The following NPC1 variants were observed in gnomAD, a reference collection of about 807,000 sequenced individuals.
The protein encoded by NPC1 is NPC intracellular cholesterol transporter 1.
In NPC1, 85 loss-of-function variants were observed where a neutral mutation model predicts 140.4. The ratio of observed to expected loss-of-function variants is 0.61; its 90% CI spans 0.51 to 0.72. The LOEUF (loss-of-function observed/expected upper bound fraction) is 0.72, where lower values mean the gene tolerates loss of function less well. Among genes scored for constraint, NPC1 ranks in the 30% least tolerant of loss-of-function variants. The pLI is 0.00. For missense variants in NPC1, 1,504 were observed against 1,623.8 expected (o/e 0.93, Z 1.27); for synonymous variants, 656 against 624.8 (o/e 1.05, Z -0.74).
At chr18:23,561,672 C>A in intron 4 of NPC1, 145 bp from the exon 5 acceptor site, 1 of 773,618 alleles carries the variant, frequency 1.3e-6, no homozygotes, top group Admixed American at 2.2e-5. Context: ...TAACTAAGGG[C>A]ACGAACAGAG....
rs572944990 is a variant in NPC1 at position 23,538,925 on chromosome 18, T to C, written c.2912-254A>G. 383 of 516,694 alleles carry C rather than the reference T, an allele frequency of 7.4e-4. 3 individuals carry two copies. In the South Asian group the frequency reaches 7.5e-3, roughly 10 times the overall value. 32.0% of individuals were successfully genotyped at this position (516,694 alleles called of 1,614,324 possible). The stretch of plus-strand genomic sequence containing the variant: ...TCTGCCCTGAAGTAGATCTCCTCCT[T>C]CAAGTATGGCCTTGACTGGTCAGAG... On this transcript the variant is annotated intron_variant, in intron 19 of 24. Transcript: ENST00000269228.
chr18:23,544,946 C>G lies in NPC1; in HGVS notation c.1947+14G>C, dbSNP rs3745024. The stretch of plus-strand genomic sequence containing the variant: ...GTTAACCTCTAGAACATACACCACC[C>G]CCCCCCGGCTTACCAGAAGCCTGCG... On this transcript the variant is annotated intron_variant, in intron 12 of 24. Transcript: ENST00000269228. 13 of 1,329,792 alleles carry G rather than the reference C, an allele frequency of 9.8e-6. 1 individual carries two copies. The highest frequency in any genetic ancestry group is 6.0e-5 in the South Asian group (5 of 83,324). The allele number at this position is 1,329,792 out of a possible 1,614,324, so 82.4% of individuals were successfully genotyped here. A position where few individuals can be genotyped will look rare whatever the true frequency, so the allele number is the denominator to read the frequency against.
At chr18:23,542,409 T>C (rs2058725689) in intron 14 of NPC1, among the ~76,000 whole-genome samples, 1 of 152,166 alleles carries the variant, frequency 6.6e-6, no homozygotes, top group Non-Finnish European at 1.5e-5. Context: ...ACAATGGCCC[T>C]GATTAAGCTG....
At chr18:23,518,553 A>G (rs1359331259), downstream of NPC1, among the ~76,000 whole-genome samples, 1 of 152,240 alleles carries the variant, frequency 6.6e-6, no homozygotes, top group Non-Finnish European at 1.5e-5. Context: ...ATATACATTC[A>G]TTATACAAAA....
At chr18:23,535,418 C>T (rs1321914612) in intron 22 of NPC1, 51 bp downstream of exon 22, 1 of 1,310,050 alleles carries the variant, frequency 7.6e-7, no homozygotes, top group South Asian at 1.2e-5. Flanking sequence ...CAGCCAATTC[C>T]CCCAAGTGAA....
At chr18:23,559,024 C>T (rs1478497386) in intron 6 of NPC1, among the ~76,000 whole-genome samples, 2 of 152,190 alleles carry the variant, frequency 1.3e-5, no homozygotes, top group East Asian at 1.9e-4. Flanking sequence ...TTTCCAGTTT[C>T]ATCCAAGTCC....
intron 11 of NPC1, 32 bp downstream of exon 11, chr18:23,547,974 G>T: frequency 1.6e-6 from 2 of 1,236,868 alleles, no homozygotes; most frequent in Non-Finnish European, 2.4e-6. Flanking sequence ...CACAATGCAA[G>T]GACAGTCTGC....
At chr18:23,577,158 T>C (rs1464257789) in intron 1 of NPC1, among the ~76,000 whole-genome samples, 1 of 151,216 alleles carries the variant, frequency 6.6e-6, no homozygotes, top group Admixed American at 6.6e-5. Flanking sequence ...CCAGAGCAGC[T>C]AGATACAGAG....
chr18:23,542,264 T>C (rs2058723477), intron 14 of NPC1, among the ~76,000 whole-genome samples: 1 of 151,788 alleles, frequency 6.6e-6, no homozygotes, highest in South Asian at 2.1e-4. Context: ...TTCTTTTTTT[T>C]TTTTTTTTCT....
chr18:23,578,437 G>A (rs1270618592), intron 1 of NPC1, among the ~76,000 whole-genome samples: 2 of 152,204 alleles, frequency 1.3e-5, no homozygotes, highest in East Asian at 3.9e-4. Context: ...GTGTGCAAGA[G>A]CACGAGCACC....
At chr18:23,514,078 A>G (rs748148554) in intron 3 of NPC1, among the ~76,000 whole-genome samples, 15 of 152,200 alleles carry the variant, frequency 9.9e-5, no homozygotes, top group Non-Finnish European at 2.1e-4. Context: ...TCTAAGGGGA[A>G]CTAATTTAGA....
rs1294804263 is a variant in NPC1 at position 23,556,263 on chromosome 18, C to T, written c.1306G>A (p.Asp436Asn). The change falls in exon 8 of 25, where the codon GAC becomes AAC. Residue 436 changes from aspartate to asparagine, a missense_variant. By Grantham distance (23) the Asp-to-Asn change is conservative. Transcript: ENST00000269228. Reference sequence around the variant, plus strand: ...GTTACCTGGTGCAGTATCTGTATGTCAAGCGGAGGTCCAAAGGGTACATCA... The same window carrying T: ...GTTACCTGGTGCAGTATCTGTATGTTAAGCGGAGGTCCAAAGGGTACATCA... ...GADVPFGPPL[D>N]IQILHQVLDL... is the part of the protein sequence containing the mutation. The T allele has an allele frequency of 6.2e-7, 1 of 1,614,116 alleles. No individual in the cohort carries two copies. The highest frequency in any genetic ancestry group is 8.5e-7 in the Non-Finnish European group (1 of 1,180,020).
chr18:23,580,114 A>T (rs1476303313), intron 1 of NPC1, among the ~76,000 whole-genome samples: 1 of 152,212 alleles, frequency 6.6e-6, no homozygotes, highest in African/African-American at 2.4e-5. Flanking sequence ...TAAATGAAAC[A>T]AAAATACCAA....
rs371951008 is a variant in NPC1 at position 23,535,235 on chromosome 18, C to T, written c.3477+234G>A. On this transcript the variant is annotated intron_variant, in intron 22 of 24. Coordinates refer to ENST00000269228, the MANE Select transcript of NPC1 (RefSeq NM_000271.5). ...AAGAGAAAAAATTGAACAGAAATTG[C>T]CTGTAATGTGCCTATGCTCCCAGAT... Among the ~76,000 whole-genome samples, 7 of 152,192 alleles carry T rather than the reference C, an allele frequency of 4.6e-5. No individual in the cohort carries two copies. In the South Asian group the frequency reaches 1.5e-3, roughly 32 times the overall value.
At chr18:23,573,309 G>C in intron 2 of NPC1, 143 bp downstream of exon 2, 1 of 1,153,038 alleles carries the variant, frequency 8.7e-7, no homozygotes, top group Non-Finnish European at 1.3e-6. Context: ...GTATGCCACA[G>C]GTTAGAGTTT....
chr18:23,539,692 G>T, intron 18 of NPC1, 119 bp downstream of exon 18: 1 of 1,154,158 alleles, frequency 8.7e-7, no homozygotes, highest in Non-Finnish European at 1.3e-6. Context: ...CATACATTTT[G>T]CATAAAAACA....
chr18:23,534,574 T>G lies in NPC1; in HGVS notation c.3478-15A>C, dbSNP rs2058597643. 1 of 1,599,216 alleles carries G rather than the reference T, an allele frequency of 6.3e-7. No homozygotes were observed. Among genetic ancestry groups the G allele is most frequent in the Middle Eastern group, 1.7e-4 (1 of 6,036 alleles). On this transcript the variant is annotated splice_polypyrimidine_tract_variant and intron_variant, in intron 22 of 24. Transcript: ENST00000269228. ...ATGCCACAGCTCTGAAATAAAGCACTTCCTTTAGGATGGCTCTCTTCCTGT... is the reference window on the plus strand; with the variant it reads ...ATGCCACAGCTCTGAAATAAAGCACGTCCTTTAGGATGGCTCTCTTCCTGT...
Position 23,557,049 on chromosome 18 carries a change from A to G in NPC1, c.955+68T>C. On this transcript the variant is annotated intron_variant, in intron 7 of 24. Coordinates refer to ENST00000269228, the MANE Select transcript of NPC1 (RefSeq NM_000271.5). ...CTCACCCACTGCTGCAACCCCACTG[A>G]GGAAACGAATGCTCTCATGACAGAC... 2.3e-6 allele frequency: 3 copies of G among 1,325,062 alleles called. No individual in the cohort carries two copies. The South Asian group carries it at 3.6e-5, about 16-fold the overall frequency. The allele number at this position is 1,325,062 out of a possible 1,614,324, so 82.1% of individuals were successfully genotyped here.
At chr18:23,533,315 T>G in intron 24 of NPC1, 40 bp downstream of exon 24, 1 of 1,569,424 alleles carries the variant, frequency 6.4e-7, no homozygotes. Context: ...TTCAGTAATG[T>G]CCTTCTATTG....
Sources: allele counts gnomAD v4.1 joint callset (sites outside exome capture counted in the v4.1 genomes callset), GRCh38; gene constraint gnomAD v4.1.1; transcripts MANE v1.5; gene names NCBI Gene and HGNC (gene_info 2026-07-23, HGNC 2026-07-21).